The following KATNIP variants were observed in gnomAD, a reference collection of about 807,000 sequenced individuals.
KATNIP encodes katanin-interacting protein.
KATNIP carries 126 observed loss-of-function variants against 174.0 expected under a neutral mutation model. The observed-to-expected ratio is 0.72, with a 90% CI of 0.63 to 0.84. The LOEUF (loss-of-function observed/expected upper bound fraction) is 0.84. KATNIP is among the 40% of genes least tolerant of loss of function. The pLI is 0.00. For missense variants in KATNIP, 1,958 were observed against 2,109.7 expected (o/e 0.93, Z 1.41); for synonymous variants, 810 against 835.7 (o/e 0.97, Z 0.53).
chr16:27,599,918 A>T (rs552376240), intron 2 of KATNIP, among the ~76,000 whole-genome samples: 1 of 151,828 alleles, frequency 6.6e-6, no homozygotes, highest in East Asian at 1.9e-4. Flanking sequence ...GCACGCCTCC[A>T]CTTTGCTTTG....
chr16:27,567,239 A>G (rs1188026911), intron 1 of KATNIP, among the ~76,000 whole-genome samples: 2 of 152,140 alleles, frequency 1.3e-5, no homozygotes, highest in Admixed American at 6.6e-5. Flanking sequence ...TCATTATGTT[A>G]TGTTTTTTAC....
intron 12 of KATNIP, among the ~76,000 whole-genome samples, chr16:27,707,479 A>T (rs1386654399): frequency 6.6e-6 from 1 of 152,256 alleles, no homozygotes; most frequent in Non-Finnish European, 1.5e-5. Context: ...GCCGAGGCTC[A>T]TGATAGGGCC....
chr16:27,749,774 G>GC lies in KATNIP; in HGVS notation c.2820dup (p.Ser941LeufsTer25). The GC allele has an allele frequency of 6.2e-7, 1 of 1,610,062 alleles. No homozygotes were observed. The highest frequency in any genetic ancestry group is 8.5e-7 in the Non-Finnish European group (1 of 1,177,660). Reference sequence around the variant, plus strand: ...AAAAGAGCAGCCGGCACAGCGACTTGCCCCCCTCCAAGAAGGGGGAGCAGC... The same window carrying GC: ...AAAAGAGCAGCCGGCACAGCGACTTGCCCCCCCTCCAAGAAGGGGGAGCAGC... On this transcript the variant is annotated frameshift_variant, in exon 16 of 28. Coordinates refer to ENST00000261588, the MANE Select transcript of KATNIP (RefSeq NM_015202.5). LOFTEE classifies it high-confidence loss of function.
At chr16:27,753,340 T>A (rs2143856112) in intron 17 of KATNIP, among the ~76,000 whole-genome samples, 1 of 152,218 alleles carries the variant, frequency 6.6e-6, no homozygotes, top group Admixed American at 6.5e-5. Flanking sequence ...GACCCAGGGG[T>A]CTCCAGGTGG....
intron 14 of KATNIP, among the ~76,000 whole-genome samples, chr16:27,731,299 C>T (rs1274136444): frequency 1.3e-5 from 2 of 152,216 alleles, no homozygotes; most frequent in African/African-American, 4.8e-5. Context: ...CCGCACTGGG[C>T]CCTGCAGCGC....
At chr16:27,699,190 T>C (rs1175799284) in intron 9 of KATNIP, among the ~76,000 whole-genome samples, 1 of 152,172 alleles carries the variant, frequency 6.6e-6, no homozygotes, top group Non-Finnish European at 1.5e-5. Flanking sequence ...TTGCCTCACT[T>C]CACAGATATG....
At chr16:27,716,631 T>C (rs1410099238) in intron 13 of KATNIP, among the ~76,000 whole-genome samples, 1 of 152,158 alleles carries the variant, frequency 6.6e-6, no homozygotes, top group Non-Finnish European at 1.5e-5. Flanking sequence ...TGTATATATT[T>C]CTATGCAGTG....
At chr16:27,669,350 C>T (rs1036235122) in intron 6 of KATNIP, 1 of 976,160 alleles carries the variant, frequency 1.0e-6, no homozygotes, top group Admixed American at 6.1e-5. Context: ...TGTGTGCAGT[C>T]CCTGTCATCC....
At chr16:27,677,505 A>G (rs2078164759) in intron 6 of KATNIP, among the ~76,000 whole-genome samples, 2 of 151,562 alleles carry the variant, frequency 1.3e-5, no homozygotes, top group Non-Finnish European at 2.9e-5. Context: ...CGGGATACAA[A>G]CACCACAGTT....
chr16:27,688,933 C>G (rs896190081), intron 8 of KATNIP, among the ~76,000 whole-genome samples: 2 of 152,172 alleles, frequency 1.3e-5, no homozygotes, highest in African/African-American at 4.8e-5. Context: ...TGGCATGGCC[C>G]AGGCTGAGCC....
At chr16:27,717,110 G>A (rs2079987697) in intron 13 of KATNIP, among the ~76,000 whole-genome samples, 1 of 152,080 alleles carries the variant, frequency 6.6e-6, no homozygotes, top group Non-Finnish European at 1.5e-5. Flanking sequence ...TCAAAGTGCT[G>A]GGATTACAGG....
intron 2 of KATNIP, among the ~76,000 whole-genome samples, chr16:27,598,722 T>C (rs80122839): frequency 0.056 from 8,573 of 152,276 alleles, 328 homozygotes; most frequent in Non-Finnish European, 0.089. Context: ...GGAGGAACGA[T>C]GTGCTATCTA....
At chr16:27,645,657 C>T (rs1324386165) in intron 5 of KATNIP, among the ~76,000 whole-genome samples, 1 of 152,160 alleles carries the variant, frequency 6.6e-6, no homozygotes, top group East Asian at 1.9e-4. Flanking sequence ...TTCTCTGTTG[C>T]GCTGGGCCAT....
At chr16:27,671,475 G>GTT (rs2077900011) in intron 6 of KATNIP, among the ~76,000 whole-genome samples, 1 of 152,162 alleles carries the variant, frequency 6.6e-6, no homozygotes, top group Non-Finnish European at 1.5e-5. Context: ...TAACCATGTG[G>GTT]ACCATTCTCT....
intron 10 of KATNIP, 88 bp downstream of exon 10, chr16:27,699,687 A>C: frequency 2.5e-6 from 4 of 1,571,832 alleles, no homozygotes; most frequent in Non-Finnish European, 2.6e-6. Context: ...ACAAAGCCCT[A>C]TGCATGTGCA....
intron 27 of KATNIP, 118 bp downstream of exon 27, chr16:27,778,087 C>T (rs961814672): frequency 3.5e-6 from 3 of 862,698 alleles, no homozygotes; most frequent in African/African-American, 1.7e-5. Flanking sequence ...CCGCTCTCCT[C>T]TGCCCAGGAG....
At chr16:27,604,821 T>A (rs908502974) in intron 2 of KATNIP, among the ~76,000 whole-genome samples, 11 of 152,354 alleles carry the variant, frequency 7.2e-5, no homozygotes, top group African/African-American at 2.4e-4. Flanking sequence ...TCTCTTTTAG[T>A]AGGTCTGTAT....
At chr16:27,778,120 G>A (rs1055998016) in intron 27 of KATNIP, 151 bp downstream of exon 27, 11 of 665,050 alleles carry the variant, frequency 1.7e-5, no homozygotes, top group African/African-American at 1.5e-4. Context: ...CCTAGGGAGG[G>A]ACTGAAGAGG....
chr16:27,654,932 C>A (rs2077220772), intron 6 of KATNIP, among the ~76,000 whole-genome samples: 1 of 151,514 alleles, frequency 6.6e-6, no homozygotes, highest in Admixed American at 6.6e-5. Context: ...GAGTTAGAGA[C>A]CAGCCTGGGA....
Sources: allele counts gnomAD v4.1 joint callset (sites outside exome capture counted in the v4.1 genomes callset), GRCh38; gene constraint gnomAD v4.1.1; transcripts MANE v1.5; gene names NCBI Gene and HGNC (gene_info 2026-07-23, HGNC 2026-07-21).